The following NFIB variants were observed in gnomAD, a reference collection of about 807,000 sequenced individuals.
The protein encoded by NFIB is nuclear factor 1 B-type.
A neutral mutation model predicts 61.5 loss-of-function variants in NFIB; 11 were observed. The ratio of observed to expected loss-of-function variants is 0.18; its 90% confidence interval spans 0.11 to 0.30. The LOEUF (loss-of-function observed/expected upper bound fraction) is 0.30, where lower values mean the gene tolerates loss of function less well. Among genes scored for constraint, NFIB ranks in the 10% least tolerant of loss-of-function variants. The pLI is 1.00. For synonymous variants in NFIB, 260 were observed against 216.5 expected (o/e 1.20, Z -1.76); for missense variants, 471 against 608.9 (o/e 0.77, Z 2.38).
chr9:14,304,306 T>C (rs1174549386), intron 2 of NFIB, among the ~76,000 whole-genome samples: 2 of 152,226 alleles, frequency 1.3e-5, no homozygotes, highest in African/African-American at 4.8e-5. Flanking sequence ...TGGTCAACAA[T>C]GAAACTTTAG....
In NFIB at chr9:14,314,065, C is replaced by A. The variant is rs1384595412; in HGVS notation, c.-554G>T. The A allele has an allele frequency of 2.8e-6, 3 of 1,061,124 alleles. No homozygotes were observed. Among genetic ancestry groups the A allele is most frequent in the East Asian group, 5.1e-5 (1 of 19,728 alleles). The allele number at this position is 1,061,124 out of a possible 1,614,324, so 65.7% of individuals were successfully genotyped here. On this transcript the variant is annotated 5_prime_UTR_variant, in exon 1 of 11. Transcript: ENST00000380953. ...ACAGCCCCAAGCACTGCGGCAGGAT[C>A]CCGGAGTGGTGATCGCAGGCGAAAC...
intron 6 of NFIB, among the ~76,000 whole-genome samples, chr9:14,139,128 G>A (rs1415984951): frequency 6.6e-6 from 1 of 152,210 alleles, no homozygotes; most frequent in East Asian, 1.9e-4. Flanking sequence ...TGATTCCCTA[G>A]GCAGGCTGCA....
Position 14,307,148 on chromosome 9 carries a change from C to A in NFIB, c.403G>T (p.Val135Leu). Residue 135 changes from valine (V) to leucine (L), a missense_variant, in exon 2 of 11, where the codon GTG (valine) becomes TTG (leucine). This residue lies in a region of NFIB where 99 missense variants were observed against 213.3 expected (regional missense o/e 0.46). Coordinates refer to ENST00000380953, the MANE Select transcript of NFIB (RefSeq NM_001190737.2). The surrounding 1 kb of genome is among the most constrained non-coding windows in gnomAD (Gnocchi z 5.3). The part of the protein sequence containing the change: ...DKVWRLDLVM[V>L]ILFKGIPLES... ...AAGGGGATGCCTTTGAACAGGATCA[C>A]CATGACTAGATCCAGACGCCAGACT... 6.2e-7 allele frequency: 1 copy of A among 1,614,144 alleles called. No homozygotes were observed. Among genetic ancestry groups the A allele is most frequent in the East Asian group, 2.2e-5 (1 of 44,876 alleles).
chr9:14,248,276 A>T (rs1480730194), intron 2 of NFIB, among the ~76,000 whole-genome samples: 1 of 148,710 alleles, frequency 6.7e-6, no homozygotes, highest in Non-Finnish European at 1.5e-5. Flanking sequence ...CTTCCCACCT[A>T]AACTGCCCTG....
At chr9:14,331,332 G>T (rs887370098) in intron 1 of NFIB, among the ~76,000 whole-genome samples, 2 of 152,204 alleles carry the variant, frequency 1.3e-5, no homozygotes, top group African/African-American at 4.8e-5. Flanking sequence ...GCAAGGACAT[G>T]AAACTACTAG....
intron 2 of NFIB, among the ~76,000 whole-genome samples, chr9:14,184,497 A>G (rs906782419): frequency 1.5e-5 from 1 of 68,752 alleles, no homozygotes; most frequent in Non-Finnish European, 4.7e-5. Flanking sequence ...CAATTCTATA[A>G]ATCAAATTTG....
the NFIB span, among the ~76,000 whole-genome samples, chr9:14,410,171 G>A: frequency 6.9e-6 from 1 of 145,320 alleles, no homozygotes; most frequent in Non-Finnish European, 1.5e-5. Context: ...CCTTCTCTGA[G>A]TTTCTTTCTT....
intron 6 of NFIB, among the ~76,000 whole-genome samples, chr9:14,131,617 T>C (rs985911880): frequency 6.6e-6 from 1 of 152,194 alleles, no homozygotes; most frequent in African/African-American, 2.4e-5. Context: ...TTTGATCAAT[T>C]CTAATGTGAT....
chr9:14,359,674 C>G (rs1309480386), intron 1 of NFIB, among the ~76,000 whole-genome samples: 1 of 152,106 alleles, frequency 6.6e-6, no homozygotes, highest in Non-Finnish European at 1.5e-5. Context: ...CACTGCAGCA[C>G]TAGTGTATGG....
At chr9:14,437,271 G>A in the NFIB span, among the ~76,000 whole-genome samples, 3 of 152,232 alleles carry the variant, frequency 2.0e-5, no homozygotes, top group Non-Finnish European at 4.4e-5. Flanking sequence ...CAAAGCAGGA[G>A]AATCTTATAG....
the NFIB span, among the ~76,000 whole-genome samples, chr9:14,477,051 G>T: frequency 3.9e-5 from 6 of 152,238 alleles, no homozygotes; most frequent in Non-Finnish European, 7.3e-5. Context: ...ACTTGTAATT[G>T]TTAAGTGCTC....
At chr9:14,154,034 C>T (rs1490165457) in intron 4 of NFIB, among the ~76,000 whole-genome samples, 1 of 152,026 alleles carries the variant, frequency 6.6e-6, no homozygotes, top group Non-Finnish European at 1.5e-5. Context: ...TAGGATATGA[C>T]ATTATAAGTT....
chr9:14,160,831 C>CAAAAAAAAAAAAAAAAAAAAACAAA (rs36063048), intron 3 of NFIB, among the ~76,000 whole-genome samples: 3 of 96,316 alleles, frequency 3.1e-5, no homozygotes, highest in Admixed American at 1.2e-4. Flanking sequence ...AAGGAAATCT[C>CAAAAAAAAAAAAAAAAAAAAACAAA]AAAAAAAAAA....
At chr9:14,391,289 G>T (rs1588413549) in intron 1 of NFIB, among the ~76,000 whole-genome samples, 1 of 151,914 alleles carries the variant, frequency 6.6e-6, no homozygotes. Context: ...CTGTGGTCTT[G>T]TTAGGGTAGG....
chr9:14,173,246 C>T (rs889983382), intron 3 of NFIB, among the ~76,000 whole-genome samples: 1 of 152,140 alleles, frequency 6.6e-6, no homozygotes, highest in African/African-American at 2.4e-5. Context: ...GGCTGACTTG[C>T]TCATTCTCCT....
At chr9:14,345,488 G>A (rs914036374) in intron 1 of NFIB, among the ~76,000 whole-genome samples, 1 of 152,146 alleles carries the variant, frequency 6.6e-6, no homozygotes, top group African/African-American at 2.4e-5. Context: ...TGCAATCAAA[G>A]GGTCTGAGGC....
the NFIB span, among the ~76,000 whole-genome samples, chr9:14,456,209 A>ATTT: frequency 6.5e-3 from 964 of 148,994 alleles, 5 homozygotes; most frequent in South Asian, 0.018. Flanking sequence ...ACTACTTGGC[A>ATTT]TTTTTTTTTT....
intron 2 of NFIB, among the ~76,000 whole-genome samples, chr9:14,186,136 G>A (rs1302124780): frequency 6.6e-6 from 1 of 152,212 alleles, no homozygotes; most frequent in Non-Finnish European, 1.5e-5. Context: ...AGAAGGAGCT[G>A]TACAAGGTGA....
intron 10 of NFIB, among the ~76,000 whole-genome samples, chr9:14,105,884 A>G (rs918077155): frequency 3.3e-5 from 5 of 152,114 alleles, no homozygotes; most frequent in South Asian, 2.1e-4. Flanking sequence ...TAAGTTTAAC[A>G]TAATAGGTGA....
Sources: allele counts gnomAD v4.1 joint callset (sites outside exome capture counted in the v4.1 genomes callset), GRCh38; gene constraint gnomAD v4.1.1; regional missense constraint gnomAD v4.1.1; non-coding constraint Gnocchi (gnomAD v3.1); transcripts MANE v1.5; gene names NCBI Gene and HGNC (gene_info 2026-07-23, HGNC 2026-07-21).